The following CRIM1 variants were observed in gnomAD, a reference collection of about 807,000 sequenced individuals.
The protein encoded by CRIM1 is cysteine-rich motor neuron 1 protein.
A neutral mutation model predicts 116.4 loss-of-function variants in CRIM1; 32 were observed. The observed-to-expected ratio is 0.27, with a 90% CI of 0.21 to 0.37. The LOEUF is 0.37. Among genes scored for constraint, CRIM1 ranks in the 10% least tolerant of loss-of-function variants. The pLI is 1.00. For missense variants in CRIM1, 1,331 were observed against 1,354.8 expected, an observed-to-expected ratio of 0.98 and a Z score of 0.28; for synonymous variants, 590 against 509.2, an observed-to-expected ratio of 1.16 and a Z score of -2.13.
intron 1 of CRIM1, among the ~76,000 whole-genome samples, chr2:36,362,836 C>G (rs1357208308): frequency 6.6e-6 from 1 of 152,098 alleles, no homozygotes; most frequent in Non-Finnish European, 1.5e-5. Flanking sequence ...AATTCCTTAC[C>G]TCCCTCCTCC....
chr2:36,462,598 C>T (rs1338443361), intron 4 of CRIM1, among the ~76,000 whole-genome samples: 1 of 152,154 alleles, frequency 6.6e-6, no homozygotes, highest in African/African-American at 2.4e-5. Context: ...TAGAATGATT[C>T]CCTGGAGCAC....
chr2:36,470,383 G>A (rs1164141962), intron 5 of CRIM1, among the ~76,000 whole-genome samples: 1 of 152,160 alleles, frequency 6.6e-6, no homozygotes, highest in Non-Finnish European at 1.5e-5. Flanking sequence ...GCCTTCTATG[G>A]AAAGAAGATG....
intron 8 of CRIM1, among the ~76,000 whole-genome samples, chr2:36,506,912 C>T (rs1006971166): frequency 1.3e-5 from 2 of 151,920 alleles, no homozygotes; most frequent in Admixed American, 1.3e-4. Flanking sequence ...GGCTGGTGTG[C>T]AGTGGTGCAG....
intron 2 of CRIM1, among the ~76,000 whole-genome samples, chr2:36,432,911 A>G (rs376660750): frequency 1.4e-4 from 21 of 152,236 alleles, no homozygotes; most frequent in African/African-American, 4.8e-4. Flanking sequence ...TTTAATGGGC[A>G]GCCGAGGTTG....
In CRIM1 at chr2:36,356,871, CT is replaced by C. The variant is rs1376872264; in HGVS notation, c.331+249del. Reference sequence around the variant, plus strand: ...GGGGCGAGCGAGTGGAGGATCGCCCCTGTCCCCGCGCAGACGCGCACACGTG... The same window carrying C: ...GGGGCGAGCGAGTGGAGGATCGCCCCGTCCCCGCGCAGACGCGCACACGTG... On this transcript the variant is annotated intron_variant, in intron 1 of 16. Transcript: ENST00000280527. This position sits in a 1 kb window ranked among gnomAD's most constrained non-coding sequence, Gnocchi z 4.3. 1.3e-5 allele frequency among the ~76,000 whole-genome samples: 2 copies of C among 152,288 alleles called. No individual in the cohort carries two copies. Among genetic ancestry groups the C allele is most frequent in the East Asian group, 3.9e-4 (2 of 5,152 alleles).
intron 1 of CRIM1, among the ~76,000 whole-genome samples, chr2:36,365,407 G>A (rs1043110015): frequency 1.3e-5 from 2 of 152,246 alleles, no homozygotes; most frequent in Admixed American, 6.5e-5. Context: ...GCCAGGCCAG[G>A]TTGATATATC....
At chr2:36,435,502 C>T (rs1297925201) in intron 2 of CRIM1, among the ~76,000 whole-genome samples, 1 of 151,908 alleles carries the variant, frequency 6.6e-6, no homozygotes, top group Non-Finnish European at 1.5e-5. Context: ...TTTCCTCTTA[C>T]TACCAGTAGT....
At chr2:36,405,917 C>T (rs998528352) in intron 2 of CRIM1, among the ~76,000 whole-genome samples, 17 of 152,130 alleles carry the variant, frequency 1.1e-4, no homozygotes, top group Non-Finnish European at 2.5e-4. Flanking sequence ...CCCTGGGACT[C>T]GGATGCTGGA....
intron 1 of CRIM1, among the ~76,000 whole-genome samples, chr2:36,373,845 C>T (rs528968883): frequency 5.9e-5 from 9 of 152,112 alleles, no homozygotes; most frequent in Non-Finnish European, 1.3e-4. Flanking sequence ...TCCTGGTAGT[C>T]TGTTATGTCC....
At chr2:36,413,030 A>G (rs1673327788) in intron 2 of CRIM1, among the ~76,000 whole-genome samples, 2 of 152,234 alleles carry the variant, frequency 1.3e-5, no homozygotes, top group Admixed American at 1.3e-4. Flanking sequence ...GTAGGTAGTA[A>G]ATGTGAAATG....
intron 13 of CRIM1, chr2:36,532,059 C>T (rs759525797): frequency 9.9e-5 from 46 of 466,188 alleles, no homozygotes; most frequent in South Asian, 6.4e-4. Context: ...CTGAATCTGA[C>T]GGATAAGATA....
At chr2:36,506,835 C>G (rs1681464958) in intron 8 of CRIM1, among the ~76,000 whole-genome samples, 1 of 151,880 alleles carries the variant, frequency 6.6e-6, no homozygotes, top group Admixed American at 6.6e-5. Flanking sequence ...TACTGTTTTT[C>G]TACTCTTTAT....
intron 2 of CRIM1, among the ~76,000 whole-genome samples, chr2:36,435,172 A>G (rs920671143): frequency 7.9e-5 from 12 of 152,154 alleles, no homozygotes; most frequent in Admixed American, 3.3e-4. Context: ...CATCAGAGGG[A>G]GGTGTCGGAA....
At chr2:36,533,336 T>A (rs1666245704) in intron 13 of CRIM1, among the ~76,000 whole-genome samples, 1 of 149,080 alleles carries the variant, frequency 6.7e-6, no homozygotes, top group African/African-American at 2.5e-5. Context: ...TGCCTATAAT[T>A]CCAGCATTTT....
At chr2:36,385,697 G>A (rs76076722) in intron 1 of CRIM1, among the ~76,000 whole-genome samples, 3,466 of 152,176 alleles carry the variant, frequency 0.023, 129 homozygotes, top group African/African-American at 0.076. Context: ...CAGGTCTTCC[G>A]GATTGACATT....
intron 2 of CRIM1, among the ~76,000 whole-genome samples, chr2:36,424,363 C>G (rs1674294985): frequency 6.6e-6 from 1 of 152,194 alleles, no homozygotes; most frequent in Non-Finnish European, 1.5e-5. Context: ...TCAACCGTGT[C>G]TCTCCAGATC....
intron 4 of CRIM1, among the ~76,000 whole-genome samples, chr2:36,457,042 A>C (rs1275173452): frequency 2.6e-5 from 4 of 152,186 alleles, no homozygotes; most frequent in East Asian, 1.9e-4. Flanking sequence ...CCGGAGCCAC[A>C]TGCCAGCCTC....
chr2:36,479,634 T>G lies in CRIM1; in HGVS notation c.1312T>G (p.Cys438Gly). ...TGAACGCCACTGCGTTGCGACCGTC[T>G]GCGGACAGACCTGCACAAACCCTGT... ...NGERHCVATV[C>G]GQTCTNPVKV... The change falls in exon 7 of 17, where the codon TGC becomes GGC. Residue 438 changes from cysteine (C) to glycine (G), a missense_variant. By Grantham distance (159) the Cys-to-Gly change is radical. This residue lies in a region of CRIM1 where 690 missense variants were observed against 676.0 expected (regional missense o/e 1.02). Coordinates refer to ENST00000280527, the MANE Select transcript of CRIM1 (RefSeq NM_016441.3). 6.2e-7 allele frequency: 1 copy of G among 1,614,236 alleles called. No homozygotes were observed. The highest frequency in any genetic ancestry group is 1.1e-5 in the South Asian group (1 of 91,088).
chr2:36,515,136 G>A (rs1387181557), intron 11 of CRIM1, among the ~76,000 whole-genome samples: 1 of 152,188 alleles, frequency 6.6e-6, no homozygotes, highest in Non-Finnish European at 1.5e-5. Flanking sequence ...GAAGACCCCT[G>A]CTTTAATTAT....
Sources: allele counts gnomAD v4.1 joint callset (sites outside exome capture counted in the v4.1 genomes callset), GRCh38; gene constraint gnomAD v4.1.1; regional missense constraint gnomAD v4.1.1; non-coding constraint Gnocchi (gnomAD v3.1); transcripts MANE v1.5; gene names NCBI Gene and HGNC (gene_info 2026-07-23, HGNC 2026-07-21).